C4orf50: variants seen among roughly 807,000 people sequenced by gnomAD.
C4orf50 encodes uncharacterized protein C4orf50.
Under a neutral mutation model 77.2 loss-of-function variants are expected in C4orf50, and 80 were observed. The observed-to-expected ratio is 1.04, with a 90% confidence interval of 0.87 to 1.25. The LOEUF is 1.25. Ranked by LOEUF, C4orf50 falls within the 50% of genes most tolerant of loss-of-function variation. C4orf50 has a pLI of 0.00. For synonymous variants in C4orf50, 532 were observed against 465.3 expected (o/e 1.14, Z -1.84); for missense variants, 1,257 against 1,152.9 (o/e 1.09, Z -1.31).
chr4:5,976,452 T>C (rs1310234688), intron 29 of C4orf50, among the ~76,000 whole-genome samples: 8 of 106,458 alleles, frequency 7.5e-5, no homozygotes, highest in Non-Finnish European at 1.5e-4. Flanking sequence ...CGAGGCTCTG[T>C]CTCGGAAAAA....
At chr4:5,982,392 G>A (rs543010198) in intron 28 of C4orf50, among the ~76,000 whole-genome samples, 65 of 152,336 alleles carry the variant, frequency 4.3e-4, no homozygotes, top group African/African-American at 1.4e-3. Flanking sequence ...CAGACATCAT[G>A]AGCACATGGG....
At chr4:5,966,276 G>C (rs975131220) in intron 32 of C4orf50, among the ~76,000 whole-genome samples, 1 of 152,098 alleles carries the variant, frequency 6.6e-6, no homozygotes, top group Non-Finnish European at 1.5e-5. Flanking sequence ...AGGAGTTCAA[G>C]ACCAGACTGG....
chr4:5,971,928 C>T (rs1577949573), intron 31 of C4orf50, among the ~76,000 whole-genome samples: 1 of 152,066 alleles, frequency 6.6e-6, no homozygotes, highest in East Asian at 1.9e-4. Context: ...GTCCCCACAG[C>T]AGCCAGCCAG....
chr4:6,003,712 GTGATGGTGA>G (rs1721960490), intron 25 of C4orf50, among the ~76,000 whole-genome samples: 1 of 110,836 alleles, frequency 9.0e-6, no homozygotes, highest in Admixed American at 9.8e-5. Flanking sequence ...TGGTGATGAT[GTGATGGTGA>G]TGATGGTGAT....
intron 28 of C4orf50, among the ~76,000 whole-genome samples, chr4:5,981,402 CTT>C (rs35263863): frequency 0.051 from 6,363 of 123,952 alleles, 221 homozygotes; most frequent in East Asian, 0.19. Flanking sequence ...AAGTGAGTAT[CTT>C]TTTTTTTTTT....
rs568349315 is a variant in C4orf50, at chr4:5,905,938, C to G, written c.*2475-7750G>C. 1.4e-4 allele frequency among the ~76,000 whole-genome samples: 21 copies of G among 151,752 alleles called. 1 individual carries two copies. The South Asian group carries it at 4.2e-3, about 30-fold the overall frequency. The stretch of plus-strand genomic sequence containing the variant: ...GGCAGGGGGGCGGGGGGCAGAGGGA[C>G]GGATGCCCTGCTTGCCCTCCTCACG... On this transcript the variant is annotated intron_variant, in intron 7 of 7. Coordinates refer to the C4orf50 transcript ENST00000324058. This position sits in a 1 kb window ranked among gnomAD's most constrained non-coding sequence, Gnocchi z 5.4.
Position 5,919,423 on chromosome 4 carries a change from G to C in C4orf50, c.*2475-21235C>G, listed in dbSNP as rs578192692. Among the ~76,000 whole-genome samples the C allele has an allele frequency of 7.9e-5, 12 of 152,196 alleles. No homozygotes were observed. The East Asian group carries it at 2.3e-3, about 29-fold the overall frequency. On this transcript the variant is annotated intron_variant, in intron 7 of 7. Coordinates refer to the C4orf50 transcript ENST00000324058. The surrounding 1 kb of genome is among the most constrained non-coding windows in gnomAD (Gnocchi z 6.5). ...GCAGTGGACTGAGGCAGGGGCAGGT[G>C]GGGGTGGGGGGCACACCCTTTCCTA...
At chr4:5,948,322 A>C (rs1353343241) in intron 7 of C4orf50, among the ~76,000 whole-genome samples, 1 of 152,238 alleles carries the variant, frequency 6.6e-6, no homozygotes, top group Non-Finnish European at 1.5e-5. Flanking sequence ...GTAACTAATG[A>C]GTTCATGATC....
chr4:5,963,068 CT>C (rs1245618841), intron 33 of C4orf50, among the ~76,000 whole-genome samples: 1 of 148,118 alleles, frequency 6.8e-6, no homozygotes, highest in Non-Finnish European at 1.5e-5. Flanking sequence ...GAGACACGAT[CT>C]TGGCTCACTA....
exon 33 of C4orf50, chr4:5,965,107 G>C (rs1373035126): frequency 6.2e-7 from 1 of 1,613,578 alleles, no homozygotes; most frequent in African/African-American, 1.3e-5. Context: ...GAGCTTTGGA[G>C]GACACTGTCC....
Position 6,008,254 on chromosome 4 carries a change from C to T in C4orf50, c.705G>A (p.Glu235=). 2.5e-6 allele frequency: 1 copy of T among 394,250 alleles called. No individual in the cohort carries two copies. The highest frequency in any genetic ancestry group is 4.5e-6 in the Non-Finnish European group (1 of 223,216). The allele number at this position is 394,250 out of a possible 1,614,324, so 24.4% of individuals were successfully genotyped here. ...GCAGGGCGCGCAGTTCCGCAGCCGC[C>T]TCGGTGGCGCCCTGGGAGCCTGGGG... is the stretch of plus-strand genomic sequence containing the variant. The change falls in exon 25 of 34, where the codon GAG becomes GAA. Residue 235 remains glutamate, a synonymous_variant. Coordinates refer to ENST00000531445, the Ensembl canonical transcript of C4orf50. The surrounding 1 kb of genome is among the most constrained non-coding windows in gnomAD (Gnocchi z 6.0).
intron 33 of C4orf50, 149 bp from the exon 12 acceptor site, chr4:5,959,775 A>C: frequency 1.1e-6 from 1 of 897,098 alleles, no homozygotes; most frequent in Non-Finnish European, 1.6e-6. Flanking sequence ...CTCCTCACAC[A>C]TTGGCTCACT....
At chr4:5,935,881 G>T (rs544368595) in intron 7 of C4orf50, among the ~76,000 whole-genome samples, 1 of 147,558 alleles carries the variant, frequency 6.8e-6, no homozygotes, top group South Asian at 2.2e-4. Context: ...AGATGTATTT[G>T]TCAGGAAGGT....
exon 28 of C4orf50, chr4:5,989,933 C>T: frequency 4.9e-6 from 7 of 1,426,364 alleles, no homozygotes; most frequent in Non-Finnish European, 6.4e-6. Flanking sequence ...ACTTGGTTTT[C>T]CTCCTTGCCC....
chr4:5,973,107 G>C (rs7669282), intron 31 of C4orf50, among the ~76,000 whole-genome samples: 72,292 of 152,120 alleles, frequency 0.48, 17,455 homozygotes, highest in East Asian at 0.71. Flanking sequence ...GAGCGGCTCT[G>C]GGCCCATCGG....
In C4orf50 at chr4:5,970,315, G is replaced by T. The variant is rs1201889400; in HGVS notation, c.4105-2853C>A. ...GGAATCCGAGAACAGCCTTCCCTGA[G>T]GGACCATCTCCAGCTAACATCAGGG... is the stretch of plus-strand genomic sequence containing the variant. On this transcript the variant is annotated intron_variant, in intron 31 of 33. Transcript: ENST00000531445. This position sits in a 1 kb window ranked among gnomAD's most constrained non-coding sequence, Gnocchi z 4.3. Among the ~76,000 whole-genome samples, 1 of 152,142 alleles carries T rather than the reference G, an allele frequency of 6.6e-6. No individual in the cohort carries two copies. The highest frequency in any genetic ancestry group is 1.5e-5 in the Non-Finnish European group (1 of 68,024).
chr4:5,900,435 G>C lies in C4orf50; in HGVS notation c.*2475-2247C>G, dbSNP rs1716295690. The C allele has an allele frequency of 6.6e-6, 1 of 151,976 alleles. No individual in the cohort carries two copies. The highest frequency in any genetic ancestry group is 1.5e-5 in the Non-Finnish European group (1 of 68,016). The allele number at this position is 151,976 out of a possible 1,614,324, so 9.4% of individuals were successfully genotyped here. A position where few individuals can be genotyped will look rare whatever the true frequency, so the allele number is the denominator to read the frequency against. On this transcript the variant is annotated intron_variant, in intron 7 of 7. Transcript: ENST00000324058. This position sits in a 1 kb window ranked among gnomAD's most constrained non-coding sequence, Gnocchi z 4.3. ...TTTAAAGATCAATCATGTAAGTCTA[G>C]CCAAAAAGTAGGTGAGTTTCCAAGA...
At chr4:5,935,998 T>C (rs1717996068) in intron 7 of C4orf50, among the ~76,000 whole-genome samples, 1 of 152,112 alleles carries the variant, frequency 6.6e-6, no homozygotes, top group South Asian at 2.1e-4. Context: ...ACGGCACTTA[T>C]GATGGGACAG....
intron 7 of C4orf50, among the ~76,000 whole-genome samples, chr4:5,935,990 G>A (rs996950336): frequency 6.6e-6 from 1 of 151,826 alleles, no homozygotes; most frequent in African/African-American, 2.4e-5. Flanking sequence ...ACTTGGATAC[G>A]GCACTTATGA....
Sources: allele counts gnomAD v4.1 joint callset (sites outside exome capture counted in the v4.1 genomes callset), GRCh38; gene constraint gnomAD v4.1.1; non-coding constraint Gnocchi (gnomAD v3.1); transcripts MANE v1.5; gene names NCBI Gene and HGNC (gene_info 2026-07-23, HGNC 2026-07-21).